DNAH7: variants seen among roughly 807,000 people sequenced by gnomAD.
The protein encoded by DNAH7 is axonemal beta dynein heavy chain 7.
DNAH7 carries 397 observed loss-of-function variants against 444.6 expected under a neutral mutation model. The observed-to-expected ratio is 0.89, with a 90% CI of 0.82 to 0.97. DNAH7 has a LOEUF of 0.97. Among genes scored for constraint, DNAH7 ranks in the 50% least tolerant of loss-of-function variants. The pLI is 0.00. For synonymous variants in DNAH7, 1,636 were observed against 1,624.4 expected (o/e 1.01, Z -0.17); for missense variants, 4,902 against 4,800.8 (o/e 1.02, Z -0.62).
At chr2:195,923,107 G>A (rs944724122) in intron 23 of DNAH7, among the ~76,000 whole-genome samples, 1 of 152,078 alleles carries the variant, frequency 6.6e-6, no homozygotes, top group Non-Finnish European at 1.5e-5. Context: ...CAAGTGATCT[G>A]CCTGCCTTGG....
intron 58 of DNAH7, among the ~76,000 whole-genome samples, chr2:195,780,621 A>C (rs1286503400): frequency 6.6e-6 from 1 of 151,922 alleles, no homozygotes; most frequent in Admixed American, 6.6e-5. Context: ...TGGTGGAGCA[A>C]GCACCTGTAA....
chr2:195,756,991 C>CAA (rs113147791), intron 61 of DNAH7, among the ~76,000 whole-genome samples: 2 of 133,888 alleles, frequency 1.5e-5, no homozygotes, highest in Admixed American at 7.6e-5. Context: ...GACCCTGTCT[C>CAA]AAAAAAAAAA....
chr2:195,798,485 G>A (rs908997465), intron 55 of DNAH7, among the ~76,000 whole-genome samples: 5 of 148,672 alleles, frequency 3.4e-5, no homozygotes, highest in African/African-American at 1.2e-4. Context: ...AAGAACATTT[G>A]TACTGAATTC....
chr2:195,937,693 T>C (rs1326324944), intron 19 of DNAH7, among the ~76,000 whole-genome samples: 1 of 152,070 alleles, frequency 6.6e-6, no homozygotes, highest in East Asian at 1.9e-4. Flanking sequence ...TTCTTTTTAC[T>C]TTTTTTTCTT....
At position 196,036,004 on chromosome 2, in the gene DNAH7, A is replaced by G. The variant is rs978289921; in HGVS notation, c.399-7957T>C. On this transcript the variant is annotated intron_variant, in intron 5 of 64. Coordinates refer to ENST00000312428, the MANE Select transcript of DNAH7 (RefSeq NM_018897.3). ...CAGGATTATATCCTGTCCTTGGTAC[A>G]ACAGTACCTGCATCTCCACATTCTT... Among the ~76,000 whole-genome samples the G allele has an allele frequency of 8.6e-5, 12 of 138,808 alleles. No homozygotes were observed. The South Asian group carries it at 2.6e-3, about 30-fold the overall frequency. 91.1% of individuals were successfully genotyped at this position (138,808 alleles called of 152,430 possible). A position where few individuals can be genotyped will look rare whatever the true frequency, so the allele number is the denominator to read the frequency against.
intron 5 of DNAH7, among the ~76,000 whole-genome samples, chr2:196,032,115 A>AC (rs1696096463): frequency 2.0e-5 from 3 of 152,210 alleles, no homozygotes; most frequent in African/African-American, 7.2e-5. Context: ...GGCAAAAGGC[A>AC]CTTCTTACAT....
intron 14 of DNAH7, 61 bp downstream of exon 14, chr2:195,987,005 A>C: frequency 7.1e-7 from 1 of 1,406,964 alleles, no homozygotes; most frequent in Non-Finnish European, 9.5e-7. Context: ...TAGTTGAGTG[A>C]CAGCTGATTC....
chr2:195,955,543 C>G (rs1312057263), intron 19 of DNAH7, among the ~76,000 whole-genome samples: 2 of 152,018 alleles, frequency 1.3e-5, no homozygotes, highest in Non-Finnish European at 2.9e-5. Flanking sequence ...TCTCCCCTCC[C>G]CAACAGAAAA....
At chr2:195,990,628 CA>C in intron 12 of DNAH7, among the ~76,000 whole-genome samples, 1 of 151,888 alleles carries the variant, frequency 6.6e-6, no homozygotes, top group South Asian at 2.1e-4. Context: ...CACTGCACTC[CA>C]ACCTAGGCGA....
chr2:195,884,101 A>G (rs2125187344), intron 35 of DNAH7, among the ~76,000 whole-genome samples: 1 of 152,332 alleles, frequency 6.6e-6, no homozygotes, highest in Non-Finnish European at 1.5e-5. Context: ...CTTGGTCCTC[A>G]GTACAATACT....
chr2:195,772,226 G>C (rs1200154465), intron 60 of DNAH7, among the ~76,000 whole-genome samples: 1 of 152,194 alleles, frequency 6.6e-6, no homozygotes, highest in Admixed American at 6.5e-5. Flanking sequence ...TGCACTGGTG[G>C]AGTGGCCAAG....
At chr2:195,836,203 C>T (rs2124968079) in intron 47 of DNAH7, among the ~76,000 whole-genome samples, 1 of 152,286 alleles carries the variant, frequency 6.6e-6, no homozygotes, top group South Asian at 2.1e-4. Context: ...CCTCATTTAA[C>T]CTTAGTTACC....
chr2:195,947,473 G>A (rs898567678), intron 19 of DNAH7, among the ~76,000 whole-genome samples: 1 of 152,018 alleles, frequency 6.6e-6, no homozygotes, highest in Non-Finnish European at 1.5e-5. Flanking sequence ...GCCCCAGTGT[G>A]TGACGTTCCC....
intron 1 of DNAH7, among the ~76,000 whole-genome samples, chr2:196,064,649 A>G (rs1289153246): frequency 2.0e-5 from 3 of 152,194 alleles, no homozygotes; most frequent in African/African-American, 7.2e-5. Context: ...ACAATCTAAG[A>G]TATTGTTACT....
Position 195,970,111 on chromosome 2 carries a change from G to C in DNAH7, c.2059-17C>G. On this transcript the variant is annotated splice_polypyrimidine_tract_variant and intron_variant, in intron 16 of 64. Coordinates refer to ENST00000312428, the MANE Select transcript of DNAH7 (RefSeq NM_018897.3). Reference sequence around the variant, plus strand: ...ACACCGTAACTAATAAAAACAATTTGTTGTTAATATTCTTAAAAGTTAAAA... The same window carrying C: ...ACACCGTAACTAATAAAAACAATTTCTTGTTAATATTCTTAAAAGTTAAAA... 6.3e-7 allele frequency: 1 copy of C among 1,579,970 alleles called. No individual in the cohort carries two copies. Among genetic ancestry groups the C allele is most frequent in the Non-Finnish European group, 8.6e-7 (1 of 1,167,010 alleles).
At chr2:196,046,564 C>T (rs1166101040) in intron 5 of DNAH7, among the ~76,000 whole-genome samples, 1 of 152,134 alleles carries the variant, frequency 6.6e-6, no homozygotes, top group Non-Finnish European at 1.5e-5. Flanking sequence ...CTGGTAGCAT[C>T]CTAGTGGCAC....
rs563078853 is a variant in DNAH7, at chr2:195,755,543, G to T, written c.11586+590C>A. Among the ~76,000 whole-genome samples, 49 of 152,248 alleles carry T rather than the reference G, an allele frequency of 3.2e-4. No individual in the cohort carries two copies. In the Middle Eastern group the frequency reaches 0.014, roughly 42 times the overall value. ...AGTATTGACTGTAGCATAACAAAAGGCCTGAATTATGAAAAGGGAATTTAA... is the reference window on the plus strand; with the variant it reads ...AGTATTGACTGTAGCATAACAAAAGTCCTGAATTATGAAAAGGGAATTTAA... On this transcript the variant is annotated intron_variant, in intron 62 of 64. Transcript: ENST00000312428.
intron 59 of DNAH7, among the ~76,000 whole-genome samples, chr2:195,777,072 C>T (rs1473951844): frequency 5.3e-5 from 8 of 152,150 alleles, no homozygotes; most frequent in Non-Finnish European, 1.2e-4. Flanking sequence ...TAGCATTAAT[C>T]CTAGTGGAAG....
chr2:196,008,856 A>G (rs925334964), intron 10 of DNAH7, among the ~76,000 whole-genome samples: 2 of 152,234 alleles, frequency 1.3e-5, no homozygotes, highest in African/African-American at 4.8e-5. Flanking sequence ...CTATAAAGAA[A>G]TATCTGGGAC....
Sources: gnomAD v4.1 joint callset for allele counts (sites outside exome capture counted in the v4.1 genomes callset) on GRCh38, gnomAD v4.1.1 for gene constraint, MANE v1.5 for transcripts, NCBI Gene and HGNC (gene_info 2026-07-23, HGNC 2026-07-21) for gene names.